The following CNKSR2 variants were observed in gnomAD, a reference collection of about 807,000 sequenced individuals.
The protein encoded by CNKSR2 is CNK homolog protein 2.
Under a neutral mutation model 84.4 loss-of-function variants are expected in CNKSR2, and 14 were observed. The observed-to-expected ratio is 0.17, with a 90% CI of 0.11 to 0.26. CNKSR2 has a LOEUF of 0.26. Ranked by LOEUF, CNKSR2 falls within the 10% of genes least tolerant of loss-of-function variation. CNKSR2 has a pLI of 1.00. For synonymous variants in CNKSR2, 275 were observed against 277.9 expected, an observed-to-expected ratio of 0.99 and a Z score of 0.10; for missense variants, 485 against 771.2, an observed-to-expected ratio of 0.63 and a Z score of 4.40.
At chrX:21,436,788 A>G (rs968948436) in intron 3 of CNKSR2, among the ~76,000 whole-genome samples, 1 of 111,016 alleles carries the variant, frequency 9.0e-6, no homozygotes, top group East Asian at 2.8e-4. Context: ...TTTTACTCTC[A>G]TAGATGATCA....
intron 13 of CNKSR2, among the ~76,000 whole-genome samples, chrX:21,586,710 A>C (rs1411673197): frequency 2.7e-5 from 3 of 112,253 alleles, no homozygotes; most frequent in African/African-American, 9.7e-5. Flanking sequence ...GTGGATATTC[A>C]AAAGAGCCAC....
intron 5 of CNKSR2, among the ~76,000 whole-genome samples, chrX:21,479,351 G>T (rs1200220714): frequency 9.0e-6 from 1 of 111,379 alleles, no homozygotes; most frequent in Non-Finnish European, 1.9e-5. Context: ...TCTGTTGATG[G>T]ACACTTAACT....
intron 9 of CNKSR2, among the ~76,000 whole-genome samples, chrX:21,517,030 A>G (rs1200835060): frequency 9.0e-6 from 1 of 111,547 alleles, no homozygotes. Context: ...ATCAGTTCAT[A>G]AAATAGTAAT....
chrX:21,396,477 A>G (rs2090123799), intron 1 of CNKSR2, among the ~76,000 whole-genome samples: 1 of 111,258 alleles, frequency 9.0e-6, no homozygotes, highest in Admixed American at 9.6e-5. Context: ...TTAAGTTCTT[A>G]GTGAAATTTA....
chrX:21,616,577 T>C lies in CNKSR2; in HGVS notation c.2692+6960T>C, dbSNP rs761028067. On this transcript the variant is annotated intron_variant, in intron 20 of 21. Transcript: ENST00000379510. ...ACCACAAAGCTGGGATGCTGATAAC[T>C]AGAATTACTGCTCCTCACATTATGG... 6.2e-5 allele frequency among the ~76,000 whole-genome samples: 7 copies of C among 112,145 alleles called. No homozygotes were observed. The South Asian group carries it at 2.6e-3, about 42-fold the overall frequency.
chrX:21,548,628 T>C (rs763209910), intron 11 of CNKSR2, among the ~76,000 whole-genome samples: 1 of 111,288 alleles, frequency 9.0e-6, no homozygotes, highest in Non-Finnish European at 1.9e-5. Flanking sequence ...AAAAAGAAAA[T>C]TTCAGGCCAG....
chrX:21,622,285 C>T (rs2092605102), intron 20 of CNKSR2, among the ~76,000 whole-genome samples: 1 of 110,941 alleles, frequency 9.0e-6, no homozygotes, highest in Non-Finnish European at 1.9e-5. Context: ...CTTTGTGGAG[C>T]TCTTCTTACA....
intron 9 of CNKSR2, among the ~76,000 whole-genome samples, chrX:21,522,417 C>T (rs999070854): frequency 9.0e-6 from 1 of 110,994 alleles, no homozygotes; most frequent in African/African-American, 3.3e-5. Context: ...TAATCTTTAA[C>T]GCTGGAGTTG....
Position 21,501,608 on chromosome X carries a change from G to C in CNKSR2, c.810+20G>C, listed in dbSNP as rs536652526. On this transcript the variant is annotated intron_variant, in intron 8 of 21. Coordinates refer to ENST00000379510, the MANE Select transcript of CNKSR2 (RefSeq NM_014927.5). Reference sequence around the variant, plus strand: ...ACTGTGGTATGTATAATTAACTTAAGAGTCAGTGGGAGGAACTAATTTTGA... The same window carrying C: ...ACTGTGGTATGTATAATTAACTTAACAGTCAGTGGGAGGAACTAATTTTGA... 8.9e-6 allele frequency: 8 copies of C among 895,474 alleles called. No individual in the cohort carries two copies. The South Asian group carries it at 2.3e-4, about 25-fold the overall frequency. 73.8% of individuals were successfully genotyped at this position (895,474 alleles called of 1,213,427 possible).
intron 20 of CNKSR2, among the ~76,000 whole-genome samples, chrX:21,633,020 C>CACACAT (rs1330814911): frequency 9.0e-6 from 1 of 111,121 alleles, no homozygotes; most frequent in Admixed American, 9.6e-5. Context: ...CACACACACA[C>CACACAT]ACACATACAG....
chrX:21,436,000 A>AT (rs947267611), intron 3 of CNKSR2, among the ~76,000 whole-genome samples: 11 of 111,611 alleles, frequency 9.9e-5, no homozygotes, highest in African/African-American at 3.6e-4. Context: ...TTTCTCTGAA[A>AT]TTTTTTGTCT....
chrX:21,648,794 CTT>C (rs33962399), intron 20 of CNKSR2, 35 bp from the exon 21 acceptor site: 6,126 of 306,555 alleles, frequency 0.02, 1 homozygote, highest in East Asian at 0.028. Context: ...CTCTCTCTTT[CTT>C]TTTTTTTTTT....
chrX:21,606,941 A>G, intron 19 of CNKSR2, 62 bp downstream of exon 19: 1 of 627,089 alleles, frequency 1.6e-6, no homozygotes, highest in African/African-American at 2.2e-5. Flanking sequence ...ATCCTTTTGT[A>G]TGTTAAAAAC....
intron 8 of CNKSR2, chrX:21,506,350 A>G (rs891789165): frequency 2.7e-5 from 3 of 111,552 alleles, no homozygotes; most frequent in Non-Finnish European, 5.7e-5. Context: ...TGATGCATCA[A>G]TGATTTTAGT....
Position 21,652,715 on chromosome X carries a change from A to T in CNKSR2, c.*194A>T, listed in dbSNP as rs2092723873. ...GTATATTTTATATGCAACAGTGCTC[A>T]GCTTATGTTTACCATGTGCAAAATC... On this transcript the variant is annotated 3_prime_UTR_variant, in exon 22 of 22. Coordinates refer to ENST00000379510, the MANE Select transcript of CNKSR2 (RefSeq NM_014927.5). The T allele has an allele frequency of 5.4e-6, 2 of 373,093 alleles. No individual in the cohort carries two copies. The highest frequency in any genetic ancestry group is 1.4e-4 in the South Asian group (2 of 14,435). 30.7% of individuals were successfully genotyped at this position (373,093 alleles called of 1,213,427 possible).
intron 3 of CNKSR2, among the ~76,000 whole-genome samples, chrX:21,439,887 A>T (rs943246443): frequency 7.2e-5 from 8 of 110,600 alleles, no homozygotes; most frequent in Non-Finnish European, 1.5e-4. Flanking sequence ...CCGGAAAATA[A>T]AGGCAGGAAC....
At chrX:21,581,533 T>A in intron 13 of CNKSR2, among the ~76,000 whole-genome samples, 1 of 111,922 alleles carries the variant, frequency 8.9e-6, no homozygotes, top group Non-Finnish European at 1.9e-5. Context: ...GGAGACAAGA[T>A]AGGATCTGGT....
intron 11 of CNKSR2, among the ~76,000 whole-genome samples, chrX:21,542,247 T>G (rs1160312326): frequency 8.9e-6 from 1 of 112,609 alleles, no homozygotes; most frequent in Non-Finnish European, 1.9e-5. Context: ...TAGTAGTTAC[T>G]AGCATTGGCT....
At chrX:21,639,130 A>C (rs1300358065) in intron 20 of CNKSR2, among the ~76,000 whole-genome samples, 1 of 112,567 alleles carries the variant, frequency 8.9e-6, no homozygotes, top group African/African-American at 3.2e-5. Context: ...AAGGGTAGTA[A>C]TTGAGAATTG....
Sources: gnomAD v4.1 joint callset for allele counts (sites outside exome capture counted in the v4.1 genomes callset) on GRCh38, gnomAD v4.1.1 for gene constraint, MANE v1.5 for transcripts, NCBI Gene and HGNC (gene_info 2026-07-23, HGNC 2026-07-21) for gene names.